The following DNAAF4 variants were observed in gnomAD, a reference collection of about 807,000 sequenced individuals.
The protein encoded by DNAAF4 is dynein axonemal assembly factor 4.
A neutral mutation model predicts 51.8 loss-of-function variants in DNAAF4; 43 were observed. The observed-to-expected ratio is 0.83, with a 90% CI of 0.65 to 1.07. The LOEUF is 1.07. DNAAF4 is among the 50% of genes least tolerant of loss of function. DNAAF4 has a pLI of 0.00. For missense variants in DNAAF4, 581 were observed against 493.0 expected (o/e 1.18, Z -1.69); for synonymous variants, 194 against 165.6 (o/e 1.17, Z -1.32).
At chr15:55,483,835 T>C (rs1239605612) in intron 4 of DNAAF4, among the ~76,000 whole-genome samples, 1 of 29,234 alleles carries the variant, frequency 3.4e-5, no homozygotes, top group Admixed American at 2.7e-4. Flanking sequence ...CAATAAAGCT[T>C]TTTTTTTTTT....
intron 5 of DNAAF4, among the ~76,000 whole-genome samples, chr15:55,454,877 T>C (rs2141473019): frequency 6.6e-6 from 1 of 152,152 alleles, no homozygotes; most frequent in East Asian, 1.9e-4. Context: ...GATAGATTAC[T>C]TTATTAAGCA....
chr15:55,443,461 G>C, intron 6 of DNAAF4: 1 of 573,548 alleles, frequency 1.7e-6, no homozygotes, highest in Non-Finnish European at 3.1e-6. Context: ...TGGACATTTG[G>C]GTTGGTTCCA....
Position 55,498,405 on chromosome 15 carries a change from C to T in DNAAF4, c.-76G>A, listed in dbSNP as rs1009174543. 1.7e-5 allele frequency: 26 copies of T among 1,549,304 alleles called. No homozygotes were observed. The highest frequency in any genetic ancestry group is 2.8e-5 in the African/African-American group (2 of 72,318). The stretch of plus-strand genomic sequence containing the variant: ...TTGGTTGCTAGGGAAGCTGGGGTTA[C>T]CATGCGCCAGCCCTTCCGGGTCAGG... On this transcript the variant is annotated 5_prime_UTR_variant, in exon 2 of 10. Transcript: ENST00000321149.
intron 8 of DNAAF4, among the ~76,000 whole-genome samples, chr15:55,433,851 ATAT>A (rs1203138531): frequency 7.2e-5 from 4 of 55,302 alleles, no homozygotes; most frequent in Non-Finnish European, 1.5e-4. Context: ...TATATTATAT[ATAT>A]TATAATATAT....
intron 4 of DNAAF4, among the ~76,000 whole-genome samples, chr15:55,480,973 G>A (rs1403865963): frequency 6.6e-6 from 1 of 152,114 alleles, no homozygotes; most frequent in African/African-American, 2.4e-5. Context: ...GATAATGAGT[G>A]AGTCTCACAA....
chr15:55,446,641 A>C (rs2057825013), intron 6 of DNAAF4, among the ~76,000 whole-genome samples: 1 of 130,908 alleles, frequency 7.6e-6, no homozygotes, highest in Non-Finnish European at 1.6e-5. Flanking sequence ...CCTGCTTCCC[A>C]GATGGGGTGG....
chr15:55,443,500 A>T (rs556980532), intron 6 of DNAAF4: 2 of 497,272 alleles, frequency 4.0e-6, no homozygotes, highest in Non-Finnish European at 7.2e-6. Context: ...TAGTGCTGCA[A>T]TAAACATACA....
intron 7 of DNAAF4, among the ~76,000 whole-genome samples, chr15:55,436,558 T>C (rs940347237): frequency 2.6e-5 from 4 of 151,894 alleles, no homozygotes; most frequent in African/African-American, 9.7e-5. Context: ...CTAGTTTTTG[T>C]ATTTTTAGTA....
At chr15:55,465,111 G>A (rs1241635918) in intron 5 of DNAAF4, among the ~76,000 whole-genome samples, 4 of 152,162 alleles carry the variant, frequency 2.6e-5, no homozygotes, top group African/African-American at 9.7e-5. Context: ...AACAGATGTT[G>A]GTGTAGATGT....
chr15:55,461,562 C>G (rs903091313), intron 5 of DNAAF4, among the ~76,000 whole-genome samples: 1 of 152,052 alleles, frequency 6.6e-6, no homozygotes. Flanking sequence ...GAAATCAAGA[C>G]GGAAATTTTA....
chr15:55,469,058 C>T (rs1012345274), intron 4 of DNAAF4, among the ~76,000 whole-genome samples: 13 of 152,148 alleles, frequency 8.5e-5, no homozygotes, highest in South Asian at 4.1e-4. Context: ...TGACCGGGCG[C>T]GGTGGCTCAC....
In DNAAF4 at chr15:55,498,469, C is replaced by T. The variant is rs1053643339; in HGVS notation, c.-140G>A. On this transcript the variant is annotated 5_prime_UTR_variant, in exon 2 of 10. An upstream open reading frame in the 5' UTR gains an earlier in-frame stop. Transcript: ENST00000321149. ...CGGCGTTCCCAGCGTGCTCCGGCGC[C>T]AGCACCTCGCGGACTCCATGCGTGA... The T allele has an allele frequency of 8.3e-6, 11 of 1,326,576 alleles. No homozygotes were observed. The highest frequency in any genetic ancestry group is 1.1e-5 in the Non-Finnish European group (11 of 996,798). 82.2% of individuals were successfully genotyped at this position (1,326,576 alleles called of 1,614,324 possible). A position where few individuals can be genotyped will look rare whatever the true frequency, so the allele number is the denominator to read the frequency against.
At chr15:55,444,956 TG>T (rs1269786965) in intron 6 of DNAAF4, among the ~76,000 whole-genome samples, 2 of 151,948 alleles carry the variant, frequency 1.3e-5, no homozygotes, top group Non-Finnish European at 2.9e-5. Context: ...GCTGAGACGA[TG>T]GGGTTTTCTA....
intron 5 of DNAAF4, among the ~76,000 whole-genome samples, chr15:55,457,637 C>T (rs770421217): frequency 3.3e-5 from 5 of 152,194 alleles, no homozygotes; most frequent in Admixed American, 6.5e-5. Flanking sequence ...AACAGAACAA[C>T]CCTGCTCCAA....
At chr15:55,443,649 T>C (rs972307994) in intron 6 of DNAAF4, among the ~76,000 whole-genome samples, 8 of 152,224 alleles carry the variant, frequency 5.3e-5, no homozygotes, top group Non-Finnish European at 7.3e-5. Flanking sequence ...TTGAACTAGT[T>C]TACAGTCCCA....
intron 6 of DNAAF4, among the ~76,000 whole-genome samples, chr15:55,442,136 T>C (rs2057724419): frequency 6.6e-6 from 1 of 152,178 alleles, no homozygotes; most frequent in Admixed American, 6.6e-5. Flanking sequence ...TGTTTTGTTT[T>C]GAGATGGGTT....
chr15:55,440,638 T>C (rs1240255542), intron 6 of DNAAF4, among the ~76,000 whole-genome samples: 2 of 151,860 alleles, frequency 1.3e-5, no homozygotes, highest in African/African-American at 4.8e-5. Flanking sequence ...AGTGCTGGGA[T>C]TACAGGCGTT....
intron 7 of DNAAF4, 152 bp downstream of exon 7, chr15:55,439,320 G>A (rs2057669377): frequency 1.7e-6 from 1 of 598,660 alleles, no homozygotes; most frequent in Non-Finnish European, 2.9e-6. Flanking sequence ...TTGTTGCCCA[G>A]GTTGGTCTCA....
chr15:55,483,833 CTTTTTTTTTTTTT>C (rs71105887), intron 4 of DNAAF4, among the ~76,000 whole-genome samples: 1,484 of 82,466 alleles, frequency 0.018, 21 homozygotes, highest in East Asian at 0.034. Flanking sequence ...GCCAATAAAG[CTTTTTTTTTTTTT>C]TTTTTTTTTT....
Sources: gnomAD v4.1 joint callset for allele counts (sites outside exome capture counted in the v4.1 genomes callset) on GRCh38, gnomAD v4.1.1 for gene constraint, MANE v1.5 for transcripts, NCBI Gene and HGNC (gene_info 2026-07-23, HGNC 2026-07-21) for gene names.